The following NUMA1 variants were observed in gnomAD, a reference collection of about 807,000 sequenced individuals.
NUMA1 encodes the protein nuclear mitotic apparatus protein 1, also known as SP-H antigen.
A neutral mutation model predicts 237.1 loss-of-function variants in NUMA1; 62 were observed. That is an observed-to-expected ratio of 0.26 (90% CI 0.21 to 0.32). NUMA1 has a LOEUF of 0.32. Among genes scored for constraint, NUMA1 ranks in the 10% least tolerant of loss-of-function variants. The pLI, the probability that NUMA1 is intolerant of heterozygous loss-of-function variation, is 1.00. For synonymous variants in NUMA1, 1,028 were observed against 1,066.1 expected, an observed-to-expected ratio of 0.96 and a Z score of 0.70; for missense variants, 2,533 against 2,666.5, an observed-to-expected ratio of 0.95 and a Z score of 1.10.
chr11:72,007,267 G>T lies in NUMA1; in HGVS notation c.5385C>A (p.Asp1795Glu). 6.2e-7 allele frequency: 1 copy of T among 1,612,970 alleles called. No homozygotes were observed. Among genetic ancestry groups the T allele is most frequent in the Non-Finnish European group, 8.5e-7 (1 of 1,179,536 alleles). Residue 1795 changes from aspartate (D) to glutamate (E), a missense_variant, in exon 21 of 27, where the codon GAC becomes GAA. Asp to Glu is a conservative substitution (Grantham distance 45). Coordinates refer to ENST00000393695, the MANE Select transcript of NUMA1 (RefSeq NM_006185.4). ...TCTTACGACCCGAGTCCAGGAAGAC[G>T]TCTCCCAGGGAGTCCAGGCTGCTCT... is the stretch of plus-strand genomic sequence containing the variant. ...PLESSLDSLG[D>E]VFLDSGRKTR...
rs565088118 is a variant in NUMA1 at position 72,014,025 on chromosome 11, G to A, written c.3478C>T (p.Arg1160Trp). ...LEAERASRAE[R>W]DSALETLQGQ... ...TGCAGAGTCTCCAGAGCACTGTCCCGCTCAGCCCGGGAGGCCCGCTCAGCC... is the reference window on the plus strand; with the variant it reads ...TGCAGAGTCTCCAGAGCACTGTCCCACTCAGCCCGGGAGGCCCGCTCAGCC... The change falls in exon 15 of 27, where the codon CGG becomes TGG. Residue 1160 changes from arginine to tryptophan, a missense_variant. This residue lies in a region of NUMA1 where 1,414 missense variants were observed against 1,508.1 expected (regional missense o/e 0.94). Coordinates refer to ENST00000393695, the MANE Select transcript of NUMA1 (RefSeq NM_006185.4). This position sits in a 1 kb window ranked among gnomAD's most constrained non-coding sequence, Gnocchi z 4.6. The A allele has an allele frequency of 1.8e-5, 29 of 1,611,306 alleles. No homozygotes were observed. Among genetic ancestry groups the A allele is most frequent in the African/African-American group, 5.3e-5 (4 of 75,012 alleles).
At chr11:72,019,393 C>A in intron 9 of NUMA1, 101 bp downstream of exon 9, 1 of 1,459,242 alleles carries the variant, frequency 6.9e-7, no homozygotes, top group South Asian at 1.3e-5. Flanking sequence ...ATACTCTAAG[C>A]ACTCCCAGAG....
chr11:72,054,003 A>C (rs538559225), intron 2 of NUMA1, among the ~76,000 whole-genome samples: 12 of 152,342 alleles, frequency 7.9e-5, no homozygotes, highest in Admixed American at 7.9e-4. Flanking sequence ...TAGAGACTTG[A>C]GCATCCAAGG....
intron 1 of NUMA1, among the ~76,000 whole-genome samples, chr11:72,078,924 G>A (rs930868324): frequency 6.6e-6 from 1 of 152,146 alleles, no homozygotes; most frequent in African/African-American, 2.4e-5. Context: ...AAGCTTTAAC[G>A]ACCAGACAAC....
In NUMA1 at chr11:72,012,952, G is replaced by A. The variant is rs1255529441; in HGVS notation, c.4551C>T (p.Val1517=). Residue 1517 remains valine, a synonymous_variant, in exon 15 of 27, where the codon GTC becomes GTT. Transcript: ENST00000393695. ...ACCGCTGCCTCTCCTCCAGGACCTT[G>A]ACCTTGGCACCCTCATACTTGGCAG... The part of the protein sequence containing the change: ...VMTAKYEGAK[V]KVLEERQRFQ... 9.9e-6 allele frequency: 16 copies of A among 1,613,996 alleles called. No individual in the cohort carries two copies. The highest frequency in any genetic ancestry group is 1.7e-5 in the Admixed American group (1 of 60,004).
chr11:72,024,094 A>G, intron 5 of NUMA1, 180 bp downstream of exon 5: 2 of 585,768 alleles, frequency 3.4e-6, no homozygotes, highest in East Asian at 2.9e-5. Context: ...TCTTACACCA[A>G]CTGATGAAGG....
chr11:72,029,571 C>CACCA (rs1940025225), intron 3 of NUMA1, among the ~76,000 whole-genome samples: 1 of 152,196 alleles, frequency 6.6e-6, no homozygotes, highest in African/African-American at 2.4e-5. Context: ...TGGAAGGATA[C>CACCA]ACCAATAAAT....
Position 72,022,397 on chromosome 11 carries a change from T to C in NUMA1, c.314A>G (p.His105Arg), listed in dbSNP as rs1420143320. ...LAKMTMLLLY[H>R]STMSSKSPRD... ...GGGACTTTTGGAGCTCATGGTAGAG[T>C]GGTATAAGAGCAGCATGGTCATCTA... is the stretch of plus-strand genomic sequence containing the variant. Residue 105 changes from histidine to arginine, a missense_variant, in exon 7 of 27, where the codon CAC (histidine) becomes CGC (arginine). By Grantham distance (29) the His-to-Arg change is conservative. Transcript: ENST00000393695. 1.2e-6 allele frequency: 2 copies of C among 1,613,044 alleles called. No homozygotes were observed. The highest frequency in any genetic ancestry group is 1.7e-6 in the Non-Finnish European group (2 of 1,179,654).
At chr11:72,064,472 GA>G (rs879905683) in intron 2 of NUMA1, among the ~76,000 whole-genome samples, 61 of 142,496 alleles carry the variant, frequency 4.3e-4, no homozygotes, top group Non-Finnish European at 4.6e-4. Context: ...CGTCTCTGGG[GA>G]AAAAAAAAAA....
At chr11:72,077,355 TAAAAAC>T (rs1366481612) in intron 1 of NUMA1, among the ~76,000 whole-genome samples, 3 of 152,086 alleles carry the variant, frequency 2.0e-5, no homozygotes, top group Non-Finnish European at 4.4e-5. Context: ...AAGAAGATCT[TAAAAAC>T]AAACAGAAAG....
At chr11:72,058,071 C>CA (rs982016200) in intron 2 of NUMA1, among the ~76,000 whole-genome samples, 20 of 150,332 alleles carry the variant, frequency 1.3e-4, no homozygotes, top group South Asian at 4.2e-4. Context: ...AACTACATCT[C>CA]AAAAAAAAAC....
At position 72,009,291 on chromosome 11, in the gene NUMA1, C is replaced by A. The variant is rs1157783175; in HGVS notation, c.4816G>T (p.Ala1606Ser). 5 of 1,613,350 alleles carry A rather than the reference C, an allele frequency of 3.1e-6. No homozygotes were observed. Among genetic ancestry groups the A allele is most frequent in the Non-Finnish European group, 4.2e-6 (5 of 1,179,970 alleles). Reference sequence around the variant, plus strand: ...ACCTGCAGCTTATAGTGCTCAGCTGCCTGCTCCTTCTGGCTCAACTGGGCT... The same window carrying A: ...ACCTGCAGCTTATAGTGCTCAGCTGACTGCTCCTTCTGGCTCAACTGGGCT... Reference protein sequence around the residue: ...LQAQLSQKEQAAEHYKLQMEK... With the variant: ...LQAQLSQKEQSAEHYKLQMEK... The change falls in exon 18 of 27, where the codon GCA (alanine) becomes TCA (serine). Residue 1606 changes from alanine to serine, a missense_variant. Ala to Ser is a moderately conservative substitution (Grantham distance 99). Coordinates refer to ENST00000393695, the MANE Select transcript of NUMA1 (RefSeq NM_006185.4).
chr11:72,029,831 T>C (rs1940060916), intron 3 of NUMA1, among the ~76,000 whole-genome samples: 1 of 152,128 alleles, frequency 6.6e-6, no homozygotes, highest in Non-Finnish European at 1.5e-5. Flanking sequence ...CCCACAAACA[T>C]ATAAAATCTT....
In NUMA1 at chr11:72,014,605, C is replaced by T. The variant is rs751091506; in HGVS notation, c.2898G>A (p.Ala966=). The change falls in exon 15 of 27, where the codon GCG becomes GCA. Residue 966 remains alanine, a synonymous_variant. Transcript: ENST00000393695. This position sits in a 1 kb window ranked among gnomAD's most constrained non-coding sequence, Gnocchi z 4.6. The part of the protein sequence containing the change: ...QGRQFCSTQA[A]LQAMEREAEQ... ...CTGCCTCCCGCTCCATAGCCTGCAG[C>T]GCTGCCTGTGTGCTGCAGAACTGGC... is the stretch of plus-strand genomic sequence containing the variant. 10 of 1,607,170 alleles carry T rather than the reference C, an allele frequency of 6.2e-6. No homozygotes were observed. Among genetic ancestry groups the T allele is most frequent in the Middle Eastern group, 1.6e-4 (1 of 6,084 alleles).
At position 72,010,927 on chromosome 11, in the gene NUMA1, C is replaced by CTG; in HGVS notation, c.4651-74_4651-73insCA. On this transcript the variant is annotated intron_variant, in intron 16 of 26. Transcript: ENST00000393695. ...ATGTTCATCCTGGATGTCCACCCAT[C>CTG]ATGGGGTTTCCCAGACCAGGATCCC... is the stretch of plus-strand genomic sequence containing the variant. 6 of 1,343,024 alleles carry CTG rather than the reference C, an allele frequency of 4.5e-6. No individual in the cohort carries two copies. In the South Asian group the frequency reaches 7.1e-5, roughly 16 times the overall value. The allele number at this position is 1,343,024 out of a possible 1,614,324, so 83.2% of individuals were successfully genotyped here. A position where few individuals can be genotyped will look rare whatever the true frequency, so the allele number is the denominator to read the frequency against.
intron 2 of NUMA1, among the ~76,000 whole-genome samples, chr11:72,044,667 CTTTT>C (rs1196162358): frequency 8.0e-6 from 1 of 125,578 alleles, no homozygotes. Flanking sequence ...TGTATGTTTG[CTTTT>C]TTTTTTTTTT....
chr11:72,003,417 C>T lies in NUMA1; in HGVS notation c.*110G>A. ...GGCATCACTGTCTCTAGGGGTTTGG[C>T]TACTGTTGGCCTGGGAGCTGAGAGA... On this transcript the variant is annotated 3_prime_UTR_variant, in exon 27 of 27. Coordinates refer to ENST00000393695, the MANE Select transcript of NUMA1 (RefSeq NM_006185.4). The T allele has an allele frequency of 9.2e-7, 1 of 1,083,486 alleles. No homozygotes were observed. Among genetic ancestry groups the T allele is most frequent in the Non-Finnish European group, 1.4e-6 (1 of 697,954 alleles). 67.1% of individuals were successfully genotyped at this position (1,083,486 alleles called of 1,614,324 possible).
chr11:72,073,121 G>C (rs1943541446), intron 1 of NUMA1, among the ~76,000 whole-genome samples: 1 of 147,300 alleles, frequency 6.8e-6, no homozygotes, highest in African/African-American at 2.5e-5. Context: ...CACTTTGCGA[G>C]GCCGAGGCAG....
chr11:72,017,561 G>A (rs775903860), intron 13 of NUMA1, 126 bp downstream of exon 13: 36 of 1,151,922 alleles, frequency 3.1e-5, no homozygotes, highest in Admixed American at 8.5e-5. Flanking sequence ...TTCAATTACA[G>A]CACACTATTG....
Sources: allele counts gnomAD v4.1 joint callset (sites outside exome capture counted in the v4.1 genomes callset), GRCh38; gene constraint gnomAD v4.1.1; regional missense constraint gnomAD v4.1.1; non-coding constraint Gnocchi (gnomAD v3.1); transcripts MANE v1.5; gene names NCBI Gene and HGNC (gene_info 2026-07-23, HGNC 2026-07-21).